The following MBTPS1 variants were observed in gnomAD, a reference collection of about 807,000 sequenced individuals.
MBTPS1 encodes membrane-bound transcription factor site-1 protease.
A neutral mutation model predicts 127.8 loss-of-function variants in MBTPS1; 94 were observed. The ratio of observed to expected loss-of-function variants is 0.74; its 90% CI spans 0.62 to 0.87. The LOEUF (loss-of-function observed/expected upper bound fraction) is 0.87. Ranked by LOEUF, MBTPS1 falls within the 40% of genes least tolerant of loss-of-function variation. MBTPS1 has a pLI of 0.00. For synonymous variants in MBTPS1, 632 were observed against 509.4 expected, an observed-to-expected ratio of 1.24 and a Z score of -3.24; for missense variants, 1,636 against 1,353.2, an observed-to-expected ratio of 1.21 and a Z score of -3.28.
At chr16:84,088,756 G>A (rs917169868) in intron 8 of MBTPS1, among the ~76,000 whole-genome samples, 3 of 152,132 alleles carry the variant, frequency 2.0e-5, no homozygotes, top group Non-Finnish European at 4.4e-5. Context: ...AGGGGCTGAC[G>A]TATGCATGTT....
chr16:84,063,210 C>G (rs1233935449), intron 19 of MBTPS1, 95 bp downstream of exon 19: 3 of 1,340,682 alleles, frequency 2.2e-6, no homozygotes, highest in Non-Finnish European at 3.1e-6. Flanking sequence ...CAGATGTCGG[C>G]TGATCTGCCA....
intron 12 of MBTPS1, among the ~76,000 whole-genome samples, chr16:84,072,955 G>C (rs2085794426): frequency 6.6e-6 from 1 of 152,068 alleles, no homozygotes; most frequent in South Asian, 2.1e-4. Context: ...GCAAATCCAG[G>C]GAGTTTATGT....
chr16:84,073,745 C>T (rs1241629351), intron 12 of MBTPS1, among the ~76,000 whole-genome samples: 3 of 152,094 alleles, frequency 2.0e-5, no homozygotes, highest in Non-Finnish European at 4.4e-5. Context: ...TGGCTCACAC[C>T]TGTAATCCCA....
chr16:84,063,180 C>G (rs2085638194), intron 19 of MBTPS1, 125 bp downstream of exon 19: 1 of 986,278 alleles, frequency 1.0e-6, no homozygotes, highest in East Asian at 2.4e-5. Flanking sequence ...ACATCTCCAG[C>G]TGAGCCTGGC....
At chr16:84,097,164 C>T (rs1399479224) in intron 3 of MBTPS1, among the ~76,000 whole-genome samples, 2 of 152,156 alleles carry the variant, frequency 1.3e-5, no homozygotes, top group African/African-American at 4.8e-5. Context: ...TAGGCTTTGT[C>T]TTATGGCCCA....
chr16:84,061,364 G>C (rs868583303), intron 19 of MBTPS1: 1 of 152,868 alleles, frequency 6.5e-6, no homozygotes. Context: ...CAGCACCACT[G>C]TCCACCAGGT....
chr16:84,103,585 A>G (rs1174367657), intron 1 of MBTPS1, among the ~76,000 whole-genome samples: 1 of 152,186 alleles, frequency 6.6e-6, no homozygotes, highest in Admixed American at 6.5e-5. Flanking sequence ...CATTAAGGAC[A>G]AGGAGTTAAG....
chr16:84,058,312 G>A (rs1042543373), intron 21 of MBTPS1, among the ~76,000 whole-genome samples: 8 of 152,210 alleles, frequency 5.3e-5, no homozygotes, highest in South Asian at 2.1e-4. Flanking sequence ...TCTCCTCTTC[G>A]CCTTACAGGA....
chr16:84,053,978 T>C lies in MBTPS1; in HGVS notation c.*471A>G, dbSNP rs2085478028. The C allele has an allele frequency of 6.5e-6, 1 of 154,260 alleles. No individual in the cohort carries two copies. The highest frequency in any genetic ancestry group is 2.4e-5 in the African/African-American group (1 of 41,514). The allele number at this position is 154,260 out of a possible 1,614,324, so 9.6% of individuals were successfully genotyped here. ...ATCTATGTTGTTCCTCATGATGGAATAGTAAAAAAACTGCATTCCACTGAC... is the reference window on the plus strand; with the variant it reads ...ATCTATGTTGTTCCTCATGATGGAACAGTAAAAAAACTGCATTCCACTGAC... On this transcript the variant is annotated 3_prime_UTR_variant, in exon 23 of 23. Transcript: ENST00000343411.
chr16:84,058,663 C>G (rs1476353040), intron 21 of MBTPS1, among the ~76,000 whole-genome samples: 2 of 152,168 alleles, frequency 1.3e-5, no homozygotes, highest in East Asian at 3.8e-4. Flanking sequence ...CCGAGCTGGT[C>G]CTAGCCACAG....
At chr16:84,081,707 T>G in intron 11 of MBTPS1, 40 bp downstream of exon 11, 1 of 1,317,872 alleles carries the variant, frequency 7.6e-7, no homozygotes, top group Non-Finnish European at 9.8e-7. Flanking sequence ...CAGAGCCCAG[T>G]GAAGGAGAGA....
At chr16:84,094,157 GC>G (rs1390207995) in intron 4 of MBTPS1, among the ~76,000 whole-genome samples, 3 of 151,784 alleles carry the variant, frequency 2.0e-5, no homozygotes, top group African/African-American at 7.3e-5. Flanking sequence ...CTCCAGGCTG[GC>G]ACCTACTGAT....
rs546376392 is a variant in MBTPS1, at chr16:84,116,098, C to A, written c.-325+637G>T. ...TCAACGCAGGTCGTATTCCACTCCA[C>A]GTAATTTCGAAGTGTCAATCAGAAT... On this transcript the variant is annotated intron_variant, in intron 1 of 22. Transcript: ENST00000343411. Among the ~76,000 whole-genome samples, 12 of 152,258 alleles carry A rather than the reference C, an allele frequency of 7.9e-5. No individual in the cohort carries two copies. The East Asian group carries it at 2.3e-3, about 29-fold the overall frequency.
chr16:84,097,735 A>C (rs986319908), intron 3 of MBTPS1, among the ~76,000 whole-genome samples: 9 of 152,180 alleles, frequency 5.9e-5, no homozygotes, highest in Non-Finnish European at 1.3e-4. Context: ...ACTGCTTTTT[A>C]AGGAGAATAA....
chr16:84,084,908 C>G (rs540296816), intron 10 of MBTPS1, 75 bp downstream of exon 10: 1 of 1,502,562 alleles, frequency 6.7e-7, no homozygotes. Context: ...AAGCAAGACA[C>G]GACTCCTGCT....
Position 84,056,106 on chromosome 16 carries a change from G to C in MBTPS1, c.2861C>G (p.Ser954Cys), listed in dbSNP as rs148088429. The C allele has an allele frequency of 3.5e-5, 56 of 1,613,950 alleles. No homozygotes were observed. Among genetic ancestry groups the C allele is most frequent in the Non-Finnish European group, 4.2e-5 (50 of 1,179,906 alleles). Residue 954 changes from serine to cysteine, a missense_variant, in exon 22 of 23, where the codon TCC (serine) becomes TGC (cysteine). Ser to Cys is a moderately radical substitution (Grantham distance 112). Transcript: ENST00000343411. ...SNLWKHQKLL[S>C]IDLDKVVLPN... is the part of the protein sequence containing the mutation. ...TAACACCACCTTGTCCAGGTCAATG[G>C]AGAGTAGCTTCTGATGTTTCCAAAG...
At chr16:84,067,848 G>T in intron 15 of MBTPS1, 25 bp from the exon 16 acceptor site, 1 of 1,593,764 alleles carries the variant, frequency 6.3e-7, no homozygotes. Context: ...ACCAAAGCTG[G>T]GAACTGTCAC....
At chr16:84,074,884 A>G in intron 11 of MBTPS1, 143 bp from the exon 12 acceptor site, 1 of 686,614 alleles carries the variant, frequency 1.5e-6, no homozygotes, top group South Asian at 1.9e-5. Flanking sequence ...GCATCTGGGA[A>G]CTTGGCTCTG....
intron 18 of MBTPS1, among the ~76,000 whole-genome samples, chr16:84,065,031 T>C (rs1206514250): frequency 1.3e-5 from 2 of 152,188 alleles, no homozygotes; most frequent in East Asian, 3.8e-4. Flanking sequence ...TACATTTTCA[T>C]TTTTCTAAAA....
Sources: allele counts gnomAD v4.1 joint callset (sites outside exome capture counted in the v4.1 genomes callset), GRCh38; gene constraint gnomAD v4.1.1; transcripts MANE v1.5; gene names NCBI Gene and HGNC (gene_info 2026-07-23, HGNC 2026-07-21).